Variants in DLG2 observed in about 807,000 individuals in gnomAD.
DLG2 encodes disks large homolog 2.
A neutral mutation model predicts 132.5 loss-of-function variants in DLG2; 45 were observed. The observed-to-expected ratio is 0.34, with a 90% confidence interval of 0.27 to 0.44. DLG2 has a LOEUF of 0.44. Among genes scored for constraint, DLG2 ranks in the 20% least tolerant of loss-of-function variants. The probability of loss-of-function intolerance (pLI) is 1.00; values close to 1 mark genes in which losing one functional copy is unlikely to be tolerated. For missense variants in DLG2, 1,045 were observed against 1,196.9 expected, an observed-to-expected ratio of 0.87 and a Z score of 1.87; for synonymous variants, 424 against 419.6, an observed-to-expected ratio of 1.01 and a Z score of -0.13.
At chr11:84,855,206 T>G (rs1283614509) in intron 6 of DLG2, among the ~76,000 whole-genome samples, 1 of 152,076 alleles carries the variant, frequency 6.6e-6, no homozygotes, top group African/African-American at 2.4e-5. Flanking sequence ...GTTATGGAAT[T>G]TGAATCTCAC....
chr11:84,156,920 C>A (rs542611985), intron 9 of DLG2, among the ~76,000 whole-genome samples: 1 of 152,104 alleles, frequency 6.6e-6, no homozygotes, highest in South Asian at 2.1e-4. Flanking sequence ...TTTATTTAGA[C>A]CAAATTCTTT....
chr11:84,076,802 A>G lies in DLG2; in HGVS notation c.750-17318T>C, dbSNP rs147566483. On this transcript the variant is annotated intron_variant, in intron 10 of 27. Coordinates refer to ENST00000376104, the MANE Select transcript of DLG2 (RefSeq NM_001142699.3). ...CCTCTTTCTAAAAAGATAAACTCCA[A>G]TGTTCTCCTTTCCTGCATCACTTCC... Among the ~76,000 whole-genome samples the G allele has an allele frequency of 7.4e-3, 1,126 of 152,246 alleles. 3 individuals are homozygous for G. Among genetic ancestry groups the G allele is most frequent in the Non-Finnish European group, 0.011 (741 of 68,012 alleles).
chr11:85,325,507 G>A (rs1211740266), intron 3 of DLG2, among the ~76,000 whole-genome samples: 2 of 134,580 alleles, frequency 1.5e-5, no homozygotes, highest in African/African-American at 5.7e-5. Context: ...CCCCAGCAGG[G>A]GCACACTGAC....
At chr11:84,177,991 A>C (rs1298073410) in intron 8 of DLG2, among the ~76,000 whole-genome samples, 1 of 103,178 alleles carries the variant, frequency 9.7e-6, no homozygotes, top group Non-Finnish European at 2.2e-5. Flanking sequence ...ATAGCAAGTT[A>C]AAAATGATTG....
chr11:84,212,926 G>A (rs2096775835), intron 8 of DLG2, among the ~76,000 whole-genome samples: 1 of 152,182 alleles, frequency 6.6e-6, no homozygotes, highest in Non-Finnish European at 1.5e-5. Flanking sequence ...CTAAAGTACT[G>A]GGATTACAGG....
chr11:85,031,696 T>C (rs1386554075), intron 6 of DLG2, among the ~76,000 whole-genome samples: 1 of 152,140 alleles, frequency 6.6e-6, no homozygotes, highest in Non-Finnish European at 1.5e-5. Flanking sequence ...CCCTTTACAA[T>C]CCAATGTTTG....
At chr11:83,740,513 T>C (rs192619602) in intron 18 of DLG2, among the ~76,000 whole-genome samples, 1 of 152,330 alleles carries the variant, frequency 6.6e-6, no homozygotes, top group East Asian at 1.9e-4. Flanking sequence ...GAGGCAGTAC[T>C]TCTGGGAGAA....
At chr11:83,707,913 A>G (rs1446746539) in intron 18 of DLG2, among the ~76,000 whole-genome samples, 3 of 152,196 alleles carry the variant, frequency 2.0e-5, no homozygotes, top group Non-Finnish European at 4.4e-5. Flanking sequence ...CTTCTGTCAT[A>G]TGGGCCTGAG....
intron 18 of DLG2, among the ~76,000 whole-genome samples, chr11:83,653,958 G>C (rs2071469751): frequency 6.6e-6 from 1 of 152,082 alleles, no homozygotes; most frequent in Non-Finnish European, 1.5e-5. Context: ...GACCTCAAGT[G>C]ATCTGCCTGC....
chr11:84,720,889 G>C (rs1408802290), intron 6 of DLG2: 1 of 144,754 alleles, frequency 6.9e-6, no homozygotes, highest in African/African-American at 2.5e-5. Flanking sequence ...TTGGTAAAAA[G>C]CCAGTGGCTT....
chr11:85,147,001 G>A (rs1197337597), intron 5 of DLG2, among the ~76,000 whole-genome samples: 3 of 152,120 alleles, frequency 2.0e-5, no homozygotes, highest in East Asian at 1.9e-4. Flanking sequence ...CTGTGAGAGG[G>A]CAGAATTGAG....
intron 18 of DLG2, among the ~76,000 whole-genome samples, chr11:83,701,065 A>T (rs1194781578): frequency 6.6e-6 from 1 of 152,202 alleles, no homozygotes; most frequent in African/African-American, 2.4e-5. Context: ...AGGCTTTGTT[A>T]GATGCTTCTT....
At chr11:85,068,325 A>G (rs908033762) in intron 6 of DLG2, among the ~76,000 whole-genome samples, 9 of 152,142 alleles carry the variant, frequency 5.9e-5, no homozygotes, top group Admixed American at 2.0e-4. Context: ...AGAAGGAAAT[A>G]AAGGGTATTC....
chr11:84,654,133 A>G (rs1170408180), intron 6 of DLG2, among the ~76,000 whole-genome samples: 1 of 152,162 alleles, frequency 6.6e-6, no homozygotes, highest in African/African-American at 2.4e-5. Context: ...CTGAAGATCC[A>G]AAAGCTTTCT....
intron 8 of DLG2, among the ~76,000 whole-genome samples, chr11:84,229,255 A>G (rs1339806603): frequency 6.6e-6 from 1 of 152,188 alleles, no homozygotes; most frequent in Non-Finnish European, 1.5e-5. Flanking sequence ...ACAGAGAAAG[A>G]AAATCAATGG....
At chr11:84,754,596 G>A (rs917071679) in intron 6 of DLG2, among the ~76,000 whole-genome samples, 3 of 152,080 alleles carry the variant, frequency 2.0e-5, no homozygotes, top group Admixed American at 6.6e-5. Context: ...GCAAAACCAC[G>A]GAGATAGCAA....
At chr11:83,851,417 G>A (rs2059748738) in intron 16 of DLG2, among the ~76,000 whole-genome samples, 1 of 151,904 alleles carries the variant, frequency 6.6e-6, no homozygotes, top group African/African-American at 2.4e-5. Context: ...CTGAGGTCGG[G>A]AGTTCGAGAC....
At chr11:85,274,310 T>C (rs1382891966) in intron 4 of DLG2, among the ~76,000 whole-genome samples, 1 of 152,142 alleles carries the variant, frequency 6.6e-6, no homozygotes, top group African/African-American at 2.4e-5. Flanking sequence ...GCCATTGTTA[T>C]CATAGTATTG....
intron 3 of DLG2, among the ~76,000 whole-genome samples, chr11:85,369,222 C>T (rs1174203970): frequency 1.3e-5 from 2 of 152,054 alleles, no homozygotes; most frequent in Non-Finnish European, 2.9e-5. Flanking sequence ...GCTCCCCCTC[C>T]CCTCTGTGTG....
Sources: gnomAD v4.1 joint callset for allele counts (sites outside exome capture counted in the v4.1 genomes callset) on GRCh38, gnomAD v4.1.1 for gene constraint, MANE v1.5 for transcripts, NCBI Gene and HGNC (gene_info 2026-07-23, HGNC 2026-07-21) for gene names.